The following LRRC9 variants were observed in gnomAD, a reference collection of about 807,000 sequenced individuals.
LRRC9 encodes the protein leucine-rich repeat-containing protein 9.
In LRRC9, 122 loss-of-function variants were observed where a neutral mutation model predicts 63.2. That is an observed-to-expected ratio of 1.93 (90% CI 1.67 to 2.24). LRRC9 has a LOEUF of 2.24. Ranked by LOEUF, LRRC9 falls within the 30% of genes most tolerant of loss-of-function variation. LRRC9 has a pLI of 0.00. For missense variants in LRRC9, 1,071 were observed against 627.7 expected (o/e 1.71, Z -7.55); for synonymous variants, 366 against 213.1 (o/e 1.72, Z -6.25).
chr14:60,061,265 A>T (rs556096198), intron 31 of LRRC9, among the ~76,000 whole-genome samples: 4 of 152,294 alleles, frequency 2.6e-5, no homozygotes, highest in South Asian at 2.1e-4. Flanking sequence ...GGAAGAGTTG[A>T]TCTATGCAGC....
chr14:59,994,556 G>A (rs1352916504), intron 17 of LRRC9, among the ~76,000 whole-genome samples: 3 of 152,154 alleles, frequency 2.0e-5, no homozygotes, highest in Non-Finnish European at 4.4e-5. Context: ...AAAGACACAT[G>A]CACACATATG....
chr14:59,939,442 T>C (rs1056537096), intron 7 of LRRC9, among the ~76,000 whole-genome samples: 2 of 151,994 alleles, frequency 1.3e-5, no homozygotes, highest in East Asian at 3.9e-4. Flanking sequence ...AGATGACTTA[T>C]GTTTTAAAAG....
rs74587385 is a variant in LRRC9, at chr14:60,014,776, T to C, written c.3187-1884T>C. The stretch of plus-strand genomic sequence containing the variant: ...TTTCCTGTCTGAGGTTTGCTTAGCT[T>C]CTTACTTAGTTTCTTAGTTTATGTC... On this transcript the variant is annotated intron_variant, in intron 23 of 31. Transcript: ENST00000445360. 3.4e-3 allele frequency among the ~76,000 whole-genome samples: 514 copies of C among 152,254 alleles called. 17 individuals are homozygous for C. The East Asian group carries it at 0.058, about 17-fold the overall frequency.
chr14:60,048,369 T>A (rs1397779685), intron 29 of LRRC9, among the ~76,000 whole-genome samples: 3 of 151,464 alleles, frequency 2.0e-5, no homozygotes, highest in East Asian at 3.9e-4. Context: ...TTTGAAAAAA[T>A]TAATAAAATA....
intron 15 of LRRC9, among the ~76,000 whole-genome samples, chr14:59,978,563 G>C (rs765453588): frequency 2.0e-5 from 3 of 152,080 alleles, no homozygotes; most frequent in Non-Finnish European, 4.4e-5. Context: ...TAAGTATTCT[G>C]TGATTTTTTT....
intron 10 of LRRC9, among the ~76,000 whole-genome samples, chr14:59,961,873 A>G (rs937196795): frequency 6.6e-6 from 1 of 152,222 alleles, no homozygotes; most frequent in Admixed American, 6.5e-5. Flanking sequence ...ATTGCTCTAG[A>G]GCCACACAAT....
intron 29 of LRRC9, among the ~76,000 whole-genome samples, chr14:60,039,903 T>TTTGATGGGCTTCCCTTTGTGGGTAACCC (rs1566900263): frequency 4.6e-5 from 7 of 152,214 alleles, no homozygotes; most frequent in African/African-American, 1.7e-4. Context: ...GTACATTTAG[T>TTTGATGGGCTTCCCTTTGTGGGTAACCC]GCTATAAATT....
At position 59,962,086 on chromosome 14, in the gene LRRC9, T is replaced by A. The variant is rs140572639; in HGVS notation, c.1211+1041T>A. 5.0e-3 allele frequency among the ~76,000 whole-genome samples: 757 copies of A among 152,326 alleles called. 3 individuals are homozygous for A. The highest frequency in any genetic ancestry group is 0.021 in the South Asian group (103 of 4,828). Reference sequence around the variant, plus strand: ...GTTACTTTAAACCAAGTCCCCTGATTTCTATTAGACATGGCTTTTTTCTCA... The same window carrying A: ...GTTACTTTAAACCAAGTCCCCTGATATCTATTAGACATGGCTTTTTTCTCA... On this transcript the variant is annotated intron_variant, in intron 10 of 31. Transcript: ENST00000445360. This position sits in a 1 kb window ranked among gnomAD's most constrained non-coding sequence, Gnocchi z 5.1.
exon 22 of LRRC9, chr14:60,006,582 T>C (rs1291254458): frequency 1.4e-6 from 1 of 694,510 alleles, no homozygotes; most frequent in Non-Finnish European, 2.6e-6. Context: ...AAGCAATAAC[T>C]ATATTGCTGT....
chr14:59,972,499 C>G (rs1220207477), intron 12 of LRRC9, among the ~76,000 whole-genome samples: 2 of 152,046 alleles, frequency 1.3e-5, no homozygotes, highest in African/African-American at 4.8e-5. Flanking sequence ...TAAAGTTGAG[C>G]ATGCACTTAA....
At position 59,985,374 on chromosome 14, in the gene LRRC9, T is replaced by C. The variant is rs768433197; in HGVS notation, c.2211+150T>C. 3.5e-4 allele frequency: 161 copies of C among 465,700 alleles called. 1 individual carries two copies. Among genetic ancestry groups the C allele is most frequent in the South Asian group, 8.3e-4 (17 of 20,542 alleles). The allele number at this position is 465,700 out of a possible 1,614,324, so 28.8% of individuals were successfully genotyped here. A position where few individuals can be genotyped will look rare whatever the true frequency, so the allele number is the denominator to read the frequency against. ...TTATAAATTAGACAAGTTCTAGGTA[T>C]CTGATGCACAGCAAGTGTGGTGATG... On this transcript the variant is annotated intron_variant, in intron 17 of 31. Coordinates refer to ENST00000445360, the Ensembl canonical transcript of LRRC9.
At chr14:59,926,754 G>A (rs1050416015) in intron 1 of LRRC9, among the ~76,000 whole-genome samples, 3 of 151,934 alleles carry the variant, frequency 2.0e-5, no homozygotes, top group Non-Finnish European at 2.9e-5. Flanking sequence ...ATTTGTTTAC[G>A]TGAAACTCAC....
At chr14:60,044,558 A>T (rs188989425) in intron 29 of LRRC9, among the ~76,000 whole-genome samples, 6 of 152,286 alleles carry the variant, frequency 3.9e-5, no homozygotes, top group Admixed American at 3.9e-4. Flanking sequence ...CTGGTCATTC[A>T]GGATCATGTT....
chr14:59,927,791 T>G lies in LRRC9; in HGVS notation c.-33-120T>G. The G allele has an allele frequency of 4.3e-6, 2 of 470,524 alleles. No homozygotes were observed. The allele number at this position is 470,524 out of a possible 1,614,324, so 29.1% of individuals were successfully genotyped here. ...GAGTTTATACAGATACTTGGTAATATACTATGTGAAGATTTCAAACTACAG... is the reference window on the plus strand; with the variant it reads ...GAGTTTATACAGATACTTGGTAATAGACTATGTGAAGATTTCAAACTACAG... On this transcript the variant is annotated intron_variant, in intron 1 of 31. Coordinates refer to ENST00000445360, the Ensembl canonical transcript of LRRC9. The surrounding 1 kb of genome is among the most constrained non-coding windows in gnomAD (Gnocchi z 4.4).
chr14:59,992,556 C>T (rs1187989895), intron 17 of LRRC9, among the ~76,000 whole-genome samples: 1 of 151,976 alleles, frequency 6.6e-6, no homozygotes, highest in Non-Finnish European at 1.5e-5. Flanking sequence ...AGTTAAAAAC[C>T]TTGAAAAAAA....
chr14:59,977,413 G>A (rs547076070), intron 14 of LRRC9, 66 bp downstream of exon 14: 11 of 538,432 alleles, frequency 2.0e-5, no homozygotes, highest in South Asian at 5.4e-5. Context: ...TGTTTAATAC[G>A]GATACTCACA....
intron 23 of LRRC9, among the ~76,000 whole-genome samples, chr14:60,014,945 T>C: frequency 6.6e-6 from 1 of 152,136 alleles, no homozygotes; most frequent in Non-Finnish European, 1.5e-5. Flanking sequence ...TATGCCCATC[T>C]TGGTAAAGTG....
rs1892025047 is a variant in LRRC9 at position 60,031,976 on chromosome 14, CTGAT to C, written c.3922-17_3922-14del. On this transcript the variant is annotated splice_polypyrimidine_tract_variant and intron_variant, in intron 28 of 31. Transcript: ENST00000445360. This position sits in a 1 kb window ranked among gnomAD's most constrained non-coding sequence, Gnocchi z 4.6. ...TTGAGTCTAACCAAATAATAACTTA[CTGAT>C]TAACTTTTGAATAGGATATCACAGA... The C allele has an allele frequency of 2.9e-6, 2 of 695,402 alleles. No individual in the cohort carries two copies. Among genetic ancestry groups the C allele is most frequent in the Non-Finnish European group, 5.2e-6 (2 of 381,896 alleles). 43.1% of individuals were successfully genotyped at this position (695,402 alleles called of 1,614,324 possible).
chr14:60,009,093 A>G (rs1890046184), intron 23 of LRRC9, among the ~76,000 whole-genome samples: 1 of 152,214 alleles, frequency 6.6e-6, no homozygotes, highest in African/African-American at 2.4e-5. Context: ...GTTGTTGAGG[A>G]TCTTATCTGT....
Sources: allele counts gnomAD v4.1 joint callset (sites outside exome capture counted in the v4.1 genomes callset), GRCh38; gene constraint gnomAD v4.1.1; non-coding constraint Gnocchi (gnomAD v3.1); transcripts MANE v1.5; gene names NCBI Gene and HGNC (gene_info 2026-07-23, HGNC 2026-07-21).